Variants in CNNM1 observed in about 807,000 individuals in gnomAD.
CNNM1 encodes metal transporter CNNM1.
In CNNM1, 44 loss-of-function variants were observed where a neutral mutation model predicts 78.8. The ratio of observed to expected loss-of-function variants is 0.56; its 90% CI spans 0.44 to 0.72. The LOEUF (loss-of-function observed/expected upper bound fraction) is 0.72, where lower values mean the gene tolerates loss of function less well. CNNM1 is among the 30% of genes least tolerant of loss of function. The probability of loss-of-function intolerance (pLI) is 0.00; values close to 1 mark genes in which losing one functional copy is unlikely to be tolerated. For synonymous variants in CNNM1, 584 were observed against 581.5 expected (o/e 1.00, Z -0.06); for missense variants, 1,101 against 1,292.2 (o/e 0.85, Z 2.27).
chr10:99,386,133 A>G (rs2032295902), intron 7 of CNNM1, among the ~76,000 whole-genome samples: 2 of 152,240 alleles, frequency 1.3e-5, no homozygotes, highest in Non-Finnish European at 2.9e-5. Flanking sequence ...TAAAGCATGG[A>G]ATATACCATT....
In CNNM1 at chr10:99,330,410, C is replaced by G; in HGVS notation, c.1023C>G (p.Ile341Met). The G allele has an allele frequency of 2.5e-6, 4 of 1,592,904 alleles. No homozygotes were observed. The highest frequency in any genetic ancestry group is 3.4e-6 in the Non-Finnish European group (4 of 1,170,748). The change falls in exon 1 of 11, where the codon ATC becomes ATG. Residue 341 changes from isoleucine to methionine, a missense_variant. Ile to Met is a conservative substitution (Grantham distance 10). This residue lies in a region of CNNM1 where 277 missense variants were observed against 423.2 expected (regional missense o/e 0.65). Transcript: ENST00000356713. ...CTGAVFLGAE[I>M]CPYSVCSRHG... Reference sequence around the variant, plus strand: ...GCGCGGTATTCCTGGGCGCCGAAATCTGCCCCTACTCAGTGTGTTCGCGGC... The same window carrying G: ...GCGCGGTATTCCTGGGCGCCGAAATGTGCCCCTACTCAGTGTGTTCGCGGC...
chr10:99,338,295 ATTTT>A (rs34673859), intron 1 of CNNM1, among the ~76,000 whole-genome samples: 6 of 138,848 alleles, frequency 4.3e-5, no homozygotes, highest in African/African-American at 8.1e-5. Context: ...ACTAGGTGGC[ATTTT>A]TTTTTTTTTT....
chr10:99,385,221 G>A (rs1019233052), intron 7 of CNNM1, among the ~76,000 whole-genome samples: 14 of 152,020 alleles, frequency 9.2e-5, no homozygotes, highest in Admixed American at 2.0e-4. Flanking sequence ...AACTTATAGG[G>A]GCCCTGAGCC....
chr10:99,362,848 T>C (rs2031487138), intron 4 of CNNM1, among the ~76,000 whole-genome samples: 1 of 152,154 alleles, frequency 6.6e-6, no homozygotes, highest in African/African-American at 2.4e-5. Context: ...CTTGCTCTGC[T>C]CTCTGGAGGT....
At chr10:99,368,645 C>T in intron 6 of CNNM1, 1 of 1,289,752 alleles carries the variant, frequency 7.8e-7, no homozygotes, top group Non-Finnish European at 1.0e-6. Flanking sequence ...CGTACCTTCG[C>T]TGTCAGCAGA....
chr10:99,364,966 C>A lies in CNNM1; in HGVS notation c.2140C>A (p.Arg714=). The A allele has an allele frequency of 6.8e-6, 11 of 1,613,758 alleles. No individual in the cohort carries two copies. Among genetic ancestry groups the A allele is most frequent in the African/African-American group, 1.3e-5 (1 of 75,002 alleles). ...MTTACSDNDV[R]KVGSLAGSSV... is the part of the protein sequence containing the mutation. Reference sequence around the variant, plus strand: ...GCTTCTGTCCTTAGATAATGACGTGCGGAAGGTTGGAAGTCTGGCTGGATC... The same window carrying A: ...GCTTCTGTCCTTAGATAATGACGTGAGGAAGGTTGGAAGTCTGGCTGGATC... The change falls in exon 6 of 11, where the codon CGG becomes AGG. Residue 714 remains arginine (R), a synonymous_variant. Transcript: ENST00000356713.
At chr10:99,376,076 C>T (rs914365842) in intron 6 of CNNM1, among the ~76,000 whole-genome samples, 2 of 152,134 alleles carry the variant, frequency 1.3e-5, no homozygotes, top group African/African-American at 4.8e-5. Flanking sequence ...ATCCCAGTGC[C>T]CCCCTCAGGC....
intron 2 of CNNM1, among the ~76,000 whole-genome samples, chr10:99,358,421 G>T (rs2031298597): frequency 6.6e-6 from 1 of 152,228 alleles, no homozygotes; most frequent in African/African-American, 2.4e-5. Context: ...AGGCTGGGAA[G>T]TGTTTCCTCC....
chr10:99,343,492 T>C (rs2030545855), intron 1 of CNNM1, among the ~76,000 whole-genome samples: 1 of 152,154 alleles, frequency 6.6e-6, no homozygotes, highest in African/African-American at 2.4e-5. Context: ...ATTTTGTATA[T>C]GCAGCACCAG....
At chr10:99,378,718 T>C (rs961378531) in intron 7 of CNNM1, among the ~76,000 whole-genome samples, 1 of 152,210 alleles carries the variant, frequency 6.6e-6, no homozygotes, top group African/African-American at 2.4e-5. Context: ...TAGGTATTGC[T>C]GTCATTCCCA....
rs770344907 is a variant in CNNM1, at chr10:99,377,060, C to T, written c.2182C>T (p.Arg728Trp). The T allele has an allele frequency of 1.3e-5, 21 of 1,558,126 alleles. No individual in the cohort carries two copies. The highest frequency in any genetic ancestry group is 1.7e-4 in the Middle Eastern group (1 of 6,002). Residue 728 changes from arginine (R) to tryptophan (W), a missense_variant, in exon 7 of 11, where the codon CGG (arginine) becomes TGG (tryptophan). Physicochemically the swap from Arg to Trp is moderately radical, Grantham distance 101. Around this residue, in one of 3 missense-constraint regions of CNNM1, gnomAD observed 348 missense variants for 384.5 expected, o/e 0.90. Transcript: ENST00000356713. ...SLAGSSVFLNRSPSRCSGLNR... is the reference protein window; with the variant it reads ...SLAGSSVFLNWSPSRCSGLNR... ...CCATCTCTCACCATCTGCAGTAAAC[C>T]GGTCCCCTTCTCGCTGCAGTGGGTT... is the stretch of plus-strand genomic sequence containing the variant.
chr10:99,387,693 G>A lies in CNNM1; in HGVS notation c.2341-127G>A. 5 of 914,396 alleles carry A rather than the reference G, an allele frequency of 5.5e-6. 1 individual carries two copies. In the South Asian group the frequency reaches 9.8e-5, roughly 18 times the overall value. 56.6% of individuals were successfully genotyped at this position (914,396 alleles called of 1,614,324 possible). The stretch of plus-strand genomic sequence containing the variant: ...AGCGTGGGTAAGGCCCCCATTCGTG[G>A]ATCTCAGGCCTCAGAGGCCGAGGGT... On this transcript the variant is annotated intron_variant, in intron 7 of 10. Transcript: ENST00000356713.
intron 7 of CNNM1, among the ~76,000 whole-genome samples, chr10:99,378,296 A>G (rs2032039807): frequency 6.6e-6 from 1 of 152,008 alleles, no homozygotes; most frequent in African/African-American, 2.4e-5. Context: ...AACCATGACA[A>G]ACTTTGTCCT....
intron 1 of CNNM1, among the ~76,000 whole-genome samples, chr10:99,356,573 AAAGAAAGAAAG>A (rs1174385370): frequency 4.1e-4 from 50 of 121,806 alleles, no homozygotes; most frequent in African/African-American, 1.7e-3. Context: ...AGAAAGAAAG[AAAGAAAGAAAG>A]AAAGAAAGAA....
chr10:99,345,941 C>T (rs565047257), intron 1 of CNNM1, among the ~76,000 whole-genome samples: 7 of 152,128 alleles, frequency 4.6e-5, no homozygotes, highest in Non-Finnish European at 7.4e-5. Context: ...GCGATCCTCC[C>T]GCTTCAGCTT....
At chr10:99,380,236 GA>G (rs1211227476) in intron 7 of CNNM1, among the ~76,000 whole-genome samples, 1 of 152,078 alleles carries the variant, frequency 6.6e-6, no homozygotes, top group Non-Finnish European at 1.5e-5. Flanking sequence ...TTGGGGTTAG[GA>G]TTTCAACATA....
chr10:99,363,806 C>A lies in CNNM1; in HGVS notation c.2029-611C>A, dbSNP rs900060157. ...GTCACCCAGGCTGGAGTGCAGTGGC[C>A]CGATCTCAGCTCACTGCAACCTCTG... On this transcript the variant is annotated intron_variant, in intron 4 of 10. Coordinates refer to ENST00000356713, the MANE Select transcript of CNNM1 (RefSeq NM_020348.3). Among the ~76,000 whole-genome samples the A allele has an allele frequency of 3.4e-5, 5 of 147,326 alleles. No homozygotes were observed. In the South Asian group the frequency reaches 8.8e-4, roughly 26 times the overall value.
intron 1 of CNNM1, among the ~76,000 whole-genome samples, chr10:99,350,793 C>T (rs1363976331): frequency 3.9e-5 from 6 of 152,056 alleles, no homozygotes; most frequent in African/African-American, 1.2e-4. Flanking sequence ...TTCTCCCTCC[C>T]CCAACCCCAC....
chr10:99,345,726 T>G (rs2030661438), intron 1 of CNNM1, among the ~76,000 whole-genome samples: 1 of 152,230 alleles, frequency 6.6e-6, no homozygotes, highest in Non-Finnish European at 1.5e-5. Flanking sequence ...GAGCTTAATG[T>G]ATCCAGACTT....
Sources: gnomAD v4.1 joint callset for allele counts (sites outside exome capture counted in the v4.1 genomes callset) on GRCh38, gnomAD v4.1.1 for gene constraint, gnomAD v4.1.1 regional missense constraint, MANE v1.5 for transcripts, NCBI Gene and HGNC (gene_info 2026-07-23, HGNC 2026-07-21) for gene names.